Variants in SACM1L observed in about 807,000 individuals in gnomAD.
SACM1L encodes SAC1 like phosphatidylinositide phosphatase.
Under a neutral mutation model 89.5 loss-of-function variants are expected in SACM1L, and 32 were observed. The observed-to-expected ratio is 0.36, with a 90% confidence interval of 0.27 to 0.48. The LOEUF (loss-of-function observed/expected upper bound fraction) is 0.48, where lower values mean the gene tolerates loss of function less well. Among genes scored for constraint, SACM1L ranks in the 20% least tolerant of loss-of-function variants. The pLI is 0.99. For synonymous variants in SACM1L, 213 were observed against 232.8 expected, an observed-to-expected ratio of 0.92 and a Z score of 0.77; for missense variants, 543 against 708.5, an observed-to-expected ratio of 0.77 and a Z score of 2.65.
At chr3:45,733,011 T>G (rs1164024544) in intron 13 of SACM1L, among the ~76,000 whole-genome samples, 1 of 152,220 alleles carries the variant, frequency 6.6e-6, no homozygotes, top group Non-Finnish European at 1.5e-5. Context: ...TTCTGTGACG[T>G]TTTGCCATGA....
intron 1 of SACM1L, among the ~76,000 whole-genome samples, chr3:45,692,759 T>C (rs1192193037): frequency 1.3e-5 from 2 of 152,314 alleles, no homozygotes; most frequent in East Asian, 1.9e-4. Flanking sequence ...AGACACCAAA[T>C]GTTTACATGA....
chr3:45,723,570 A>G (rs781376969), intron 11 of SACM1L, 27 bp downstream of exon 11: 58 of 1,193,684 alleles, frequency 4.9e-5, no homozygotes, highest in Admixed American at 1.5e-4. Flanking sequence ...TCTTGGGGGG[A>G]AAAAAAAGCC....
chr3:45,730,996 C>G (rs1032230004), intron 11 of SACM1L, among the ~76,000 whole-genome samples: 1 of 152,192 alleles, frequency 6.6e-6, no homozygotes, highest in Non-Finnish European at 1.5e-5. Flanking sequence ...CCCGGTTATT[C>G]CCTTGTAAGA....
At chr3:45,691,541 C>T (rs374592949) in intron 1 of SACM1L, among the ~76,000 whole-genome samples, 1 of 150,898 alleles carries the variant, frequency 6.6e-6, no homozygotes, top group Non-Finnish European at 1.5e-5. Context: ...AGAGATAGTT[C>T]GATTATTTTA....
rs1698801956 is a variant in SACM1L at position 45,722,063 on chromosome 3, G to A, written c.743G>A (p.Gly248Glu). The A allele has an allele frequency of 6.2e-7, 1 of 1,611,408 alleles. No individual in the cohort carries two copies. Among genetic ancestry groups the A allele is most frequent in the Admixed American group, 1.7e-5 (1 of 59,698 alleles). The change falls in exon 9 of 20, where the codon GGG becomes GAG. Residue 248 changes from glycine (G) to glutamate (E), a missense_variant. Transcript: ENST00000389061. ...VETEQIVHYN[G>E]SKASFVQTRG... Reference sequence around the variant, plus strand: ...ACAGAACAAATTGTGCACTACAATGGGAGCAAAGCTTCGTTTGTACAGGCA... The same window carrying A: ...ACAGAACAAATTGTGCACTACAATGAGAGCAAAGCTTCGTTTGTACAGGCA...
chr3:45,729,730 C>T (rs2673065), intron 11 of SACM1L, among the ~76,000 whole-genome samples: 73,056 of 151,680 alleles, frequency 0.48, 18,159 homozygotes, highest in Middle Eastern at 0.57. Context: ...TTCAGGATTC[C>T]GTTTTTGTCT....
chr3:45,689,481 T>C lies in SACM1L; in HGVS notation c.16T>C (p.Tyr6His), dbSNP rs763837572. The C allele has an allele frequency of 2.5e-6, 4 of 1,578,834 alleles. No individual in the cohort carries two copies. The highest frequency in any genetic ancestry group is 4.6e-5 in the East Asian group (2 of 43,372). Residue 6 changes from tyrosine (Y) to histidine (H), a missense_variant, in exon 1 of 20, where the codon TAC becomes CAC. Transcript: ENST00000389061. ...GTTGTGCAGGATGGCGACGGCGGCCTACGAGCAGCTGAAGCTGTGAGTCCC... is the reference window on the plus strand; with the variant it reads ...GTTGTGCAGGATGGCGACGGCGGCCCACGAGCAGCTGAAGCTGTGAGTCCC... MATAA[Y>H]EQLKLHITPE... is the part of the protein sequence containing the mutation.
At chr3:45,703,320 C>G (rs1212925344) in intron 1 of SACM1L, 118 bp from the exon 2 acceptor site, 5 of 653,554 alleles carry the variant, frequency 7.7e-6, no homozygotes, top group Non-Finnish European at 1.3e-5. Context: ...ACAGATTCAT[C>G]CTTTTAGAAG....
At chr3:45,729,705 T>A (rs1322440801) in intron 11 of SACM1L, among the ~76,000 whole-genome samples, 2 of 152,166 alleles carry the variant, frequency 1.3e-5, no homozygotes, top group African/African-American at 4.8e-5. Context: ...ATGAGTCTCC[T>A]CTCTCTTGCT....
At chr3:45,714,652 G>T (rs1698607369) in intron 7 of SACM1L, among the ~76,000 whole-genome samples, 1 of 152,168 alleles carries the variant, frequency 6.6e-6, no homozygotes, top group African/African-American at 2.4e-5. Context: ...TAAAAATTTT[G>T]TCATTTGAAA....
chr3:45,691,356 C>T (rs532092957), intron 1 of SACM1L, among the ~76,000 whole-genome samples: 22 of 152,204 alleles, frequency 1.4e-4, no homozygotes, highest in African/African-American at 5.1e-4. Flanking sequence ...TCCTTTTGGC[C>T]CTTCCTGCTC....
chr3:45,712,063 AATAAGT>A (rs2125691229), intron 5 of SACM1L, among the ~76,000 whole-genome samples: 1 of 152,318 alleles, frequency 6.6e-6, no homozygotes, highest in African/African-American at 2.4e-5. Context: ...ATGAAATAAT[AATAAGT>A]ATGACTGGTA....
intron 13 of SACM1L, among the ~76,000 whole-genome samples, chr3:45,733,993 T>C (rs1173454065): frequency 6.6e-6 from 1 of 152,198 alleles, no homozygotes; most frequent in Non-Finnish European, 1.5e-5. Flanking sequence ...CTGGTAACTG[T>C]GGTTGGTTGC....
Position 45,743,890 on chromosome 3 carries a change from T to A in SACM1L, c.*221T>A, listed in dbSNP as rs541565532. The A allele has an allele frequency of 4.3e-5, 17 of 391,430 alleles. No homozygotes were observed. In the South Asian group the frequency reaches 1.4e-3, roughly 32 times the overall value. The allele number at this position is 391,430 out of a possible 1,614,324, so 24.2% of individuals were successfully genotyped here. A position where few individuals can be genotyped will look rare whatever the true frequency, so the allele number is the denominator to read the frequency against. On this transcript the variant is annotated 3_prime_UTR_variant, in exon 20 of 20. Transcript: ENST00000389061. ...TTAGATTTATAATTTGAAGCTATTC[T>A]GTAATTAAAATATAACCTGAATTCA...
chr3:45,728,018 CA>C (rs1698963740), intron 11 of SACM1L, among the ~76,000 whole-genome samples: 2 of 152,154 alleles, frequency 1.3e-5, no homozygotes, highest in South Asian at 4.1e-4. Context: ...GAAAATTGAC[CA>C]TTTAATCAAT....
chr3:45,704,043 A>G (rs957109665), intron 2 of SACM1L, among the ~76,000 whole-genome samples: 3 of 152,198 alleles, frequency 2.0e-5, no homozygotes, highest in Non-Finnish European at 2.9e-5. Flanking sequence ...AGTTTTATCT[A>G]CCTAACCAGT....
intron 1 of SACM1L, 188 bp downstream of exon 1, chr3:45,689,685 C>A: frequency 3.0e-6 from 2 of 674,412 alleles, no homozygotes; most frequent in South Asian, 1.9e-5. Context: ...CGGGAACCAG[C>A]GGCTCGCCGG....
intron 5 of SACM1L, among the ~76,000 whole-genome samples, chr3:45,711,220 T>G (rs1178750786): frequency 6.6e-6 from 1 of 152,140 alleles, no homozygotes; most frequent in East Asian, 1.9e-4. Flanking sequence ...GATGAAGATT[T>G]GTTGGTCAGG....
intron 5 of SACM1L, among the ~76,000 whole-genome samples, chr3:45,709,873 T>C (rs562959759): frequency 2.0e-5 from 3 of 152,290 alleles, no homozygotes; most frequent in Admixed American, 1.3e-4. Flanking sequence ...GGTGTAGATA[T>C]TCAGAAATCT....
Sources: allele counts gnomAD v4.1 joint callset (sites outside exome capture counted in the v4.1 genomes callset), GRCh38; gene constraint gnomAD v4.1.1; transcripts MANE v1.5; gene names NCBI Gene and HGNC (gene_info 2026-07-23, HGNC 2026-07-21).